The following TMEM114 variants were observed in gnomAD, a reference collection of about 807,000 sequenced individuals.
The protein encoded by TMEM114 is transmembrane protein 114, also known as claudin-26.
In TMEM114, 6 loss-of-function variants were observed where a neutral mutation model predicts 6.2. The ratio of observed to expected loss-of-function variants is 0.97; its 90% CI spans 0.53 to 1.91. The LOEUF is 1.91. Among genes scored for constraint, TMEM114 ranks in the 40% most tolerant of loss-of-function variants. The pLI is 0.01. For synonymous variants in TMEM114, 104 were observed against 73.0 expected (o/e 1.42, Z -2.16); for missense variants, 218 against 158.3 (o/e 1.38, Z -2.02).
At chr16:8,553,353 A>T (rs1355185717) in intron 2 of TMEM114, among the ~76,000 whole-genome samples, 1 of 152,194 alleles carries the variant, frequency 6.6e-6, no homozygotes, top group African/African-American at 2.4e-5. Flanking sequence ...GGAGAACGAA[A>T]ATAGCTGTAG....
chr16:8,547,400 T>C (rs1316138790), intron 2 of TMEM114, among the ~76,000 whole-genome samples: 4 of 151,094 alleles, frequency 2.6e-5, no homozygotes, highest in Admixed American at 1.3e-4. Context: ...TTCTTTCTTT[T>C]TTTTTTTTTT....
intron 2 of TMEM114, among the ~76,000 whole-genome samples, chr16:8,575,205 T>A (rs1012692857): frequency 1.3e-5 from 2 of 152,146 alleles, no homozygotes; most frequent in African/African-American, 4.8e-5. Context: ...TTTGGACAAA[T>A]GACTGGACCA....
chr16:8,554,461 C>T (rs1900944500), intron 2 of TMEM114, among the ~76,000 whole-genome samples: 1 of 152,160 alleles, frequency 6.6e-6, no homozygotes, highest in Admixed American at 6.5e-5. Context: ...AGAGAATCTC[C>T]TTCTTGACCT....
At chr16:8,561,394 C>G (rs971070483) in intron 2 of TMEM114, among the ~76,000 whole-genome samples, 3 of 152,228 alleles carry the variant, frequency 2.0e-5, no homozygotes, top group African/African-American at 7.2e-5. Flanking sequence ...GAACTTCTTA[C>G]CAGGAAGCAT....
chr16:8,533,703 C>A (rs776737708), downstream of TMEM114, among the ~76,000 whole-genome samples: 2 of 152,172 alleles, frequency 1.3e-5, no homozygotes, highest in Non-Finnish European at 2.9e-5. Context: ...AACTGAGTGT[C>A]CCATGAACTA....
At chr16:8,557,641 C>A (rs1443758510) in intron 2 of TMEM114, among the ~76,000 whole-genome samples, 1 of 152,318 alleles carries the variant, frequency 6.6e-6, no homozygotes, top group East Asian at 1.9e-4. Flanking sequence ...TGCTGGTCAG[C>A]AGCCTTGGTC....
chr16:8,559,934 G>C (rs1264297748), intron 2 of TMEM114, among the ~76,000 whole-genome samples: 1 of 152,194 alleles, frequency 6.6e-6, no homozygotes, highest in Non-Finnish European at 1.5e-5. Context: ...GGGCGGCTTA[G>C]CTGGGCACTC....
intron 2 of TMEM114, among the ~76,000 whole-genome samples, chr16:8,575,487 G>T (rs1157731022): frequency 1.3e-5 from 2 of 152,148 alleles, no homozygotes; most frequent in Non-Finnish European, 2.9e-5. Flanking sequence ...GGTGTCTACA[G>T]GGACCAGGCA....
intron 2 of TMEM114, among the ~76,000 whole-genome samples, chr16:8,542,043 G>C (rs4131879): frequency 0.43 from 65,109 of 151,938 alleles, 17,210 homozygotes; most frequent in African/African-American, 0.74. Flanking sequence ...GAAAAAGCAC[G>C]CCAACATTAG....
At chr16:8,566,422 G>A (rs1901548330), downstream of TMEM114, among the ~76,000 whole-genome samples, 1 of 148,644 alleles carries the variant, frequency 6.7e-6, no homozygotes, top group African/African-American at 2.5e-5. Flanking sequence ...AGAATAGAAT[G>A]ATGGATCAGA....
intron 2 of TMEM114, among the ~76,000 whole-genome samples, chr16:8,585,062 G>T (rs1468675727): frequency 2.0e-5 from 3 of 152,158 alleles, no homozygotes; most frequent in Admixed American, 1.3e-4. Flanking sequence ...TCACAATCCT[G>T]GCTGAAGGTG....
At chr16:8,581,333 C>G (rs1002435881) in intron 2 of TMEM114, among the ~76,000 whole-genome samples, 5 of 152,164 alleles carry the variant, frequency 3.3e-5, no homozygotes, top group East Asian at 1.9e-4. Flanking sequence ...GAATATACAC[C>G]TATAAATGTC....
downstream of TMEM114, among the ~76,000 whole-genome samples, chr16:8,568,826 C>T (rs1351591418): frequency 2.0e-5 from 3 of 152,194 alleles, no homozygotes; most frequent in African/African-American, 7.2e-5. Context: ...TAGAGAATAT[C>T]AGATCAAGGA....
At chr16:8,556,332 C>A (rs936632595) in intron 2 of TMEM114, among the ~76,000 whole-genome samples, 4 of 152,160 alleles carry the variant, frequency 2.6e-5, no homozygotes, top group Non-Finnish European at 4.4e-5. Context: ...ATCGCCTCCT[C>A]CATAGAACTC....
At chr16:8,585,837 A>G (rs1902300889) in intron 2 of TMEM114, among the ~76,000 whole-genome samples, 1 of 152,194 alleles carries the variant, frequency 6.6e-6, no homozygotes, top group East Asian at 1.9e-4. Flanking sequence ...GATGACAATT[A>G]TCCTCATTTT....
Position 8,589,930 on chromosome 16 carries a change from C to T in TMEM114, c.-92G>A. ...CGTCCCCAGCCGGCCACCGCGGGCTCCCAGCTCCACCGCCGCCAGAGCCGC... is the reference window on the plus strand; with the variant it reads ...CGTCCCCAGCCGGCCACCGCGGGCTTCCAGCTCCACCGCCGCCAGAGCCGC... On this transcript the variant is annotated 5_prime_UTR_variant, in exon 1 of 4. Transcript: ENST00000620492. The T allele has an allele frequency of 5.1e-6, 2 of 389,610 alleles. No homozygotes were observed. The highest frequency in any genetic ancestry group is 9.1e-6 in the Non-Finnish European group (2 of 220,740). The allele number at this position is 389,610 out of a possible 1,614,324, so 24.1% of individuals were successfully genotyped here.
At chr16:8,580,293 C>T (rs1221480961) in intron 2 of TMEM114, among the ~76,000 whole-genome samples, 3 of 152,054 alleles carry the variant, frequency 2.0e-5, no homozygotes, top group Admixed American at 6.6e-5. Flanking sequence ...TTGAGATCAG[C>T]GTGGCCAACA....
the TMEM114 span, among the ~76,000 whole-genome samples, chr16:8,528,811 CG>C: frequency 6.6e-6 from 1 of 152,222 alleles, no homozygotes; most frequent in African/African-American, 2.4e-5. Context: ...TCACTGAGCA[CG>C]CGCTCTGTGT....
intron 2 of TMEM114, among the ~76,000 whole-genome samples, chr16:8,558,419 C>A (rs1427370802): frequency 6.6e-6 from 1 of 151,928 alleles, no homozygotes; most frequent in African/African-American, 2.4e-5. Context: ...CTTCATGTGG[C>A]CTTCTCTCTG....
Sources: gnomAD v4.1 joint callset for allele counts (sites outside exome capture counted in the v4.1 genomes callset) on GRCh38, gnomAD v4.1.1 for gene constraint, MANE v1.5 for transcripts, NCBI Gene and HGNC (gene_info 2026-07-23, HGNC 2026-07-21) for gene names.